KLHL13: variants seen among roughly 807,000 people sequenced by gnomAD.
The protein encoded by KLHL13 is kelch like family member 13.
Under a neutral mutation model 37.1 loss-of-function variants are expected in KLHL13, and 10 were observed. That is an observed-to-expected ratio of 0.27 (90% CI 0.17 to 0.46). KLHL13 has a LOEUF of 0.46. KLHL13 is among the 20% of genes least tolerant of loss of function. The probability of loss-of-function intolerance (pLI) is 1.00; values close to 1 mark genes in which losing one functional copy is unlikely to be tolerated. For synonymous variants in KLHL13, 163 were observed against 181.2 expected (o/e 0.90, Z 0.81); for missense variants, 360 against 509.3 (o/e 0.71, Z 2.82).
chrX:118,035,151 T>G (rs1457868582), intron 1 of KLHL13, among the ~76,000 whole-genome samples: 1 of 105,807 alleles, frequency 9.5e-6, no homozygotes, highest in Non-Finnish European at 1.9e-5. Flanking sequence ...ACAGTCGGAT[T>G]CTACCAGAGG....
chrX:117,952,283 G>A (rs1383204546), intron 1 of KLHL13, among the ~76,000 whole-genome samples: 1 of 111,554 alleles, frequency 9.0e-6, no homozygotes, highest in African/African-American at 3.3e-5. Context: ...TGACAAACTG[G>A]AGGAAAACAA....
chrX:118,066,090 G>T (rs2054791802), intron 1 of KLHL13, among the ~76,000 whole-genome samples: 1 of 111,970 alleles, frequency 8.9e-6, no homozygotes, highest in Non-Finnish European at 1.9e-5. Context: ...GGTGAAGATT[G>T]TGAGTTCCAA....
intron 2 of KLHL13, among the ~76,000 whole-genome samples, chrX:117,925,455 T>C (rs926865529): frequency 8.9e-6 from 1 of 111,984 alleles, no homozygotes; most frequent in Non-Finnish European, 1.9e-5. Context: ...TCCAGTGTTA[T>C]GTAAATGTAA....
intron 1 of KLHL13, among the ~76,000 whole-genome samples, chrX:118,021,240 CTTT>C (rs953345910): frequency 2.1e-4 from 22 of 105,470 alleles, no homozygotes; most frequent in Non-Finnish European, 4.1e-4. Context: ...GCATTATCTC[CTTT>C]TTTTTTATTA....
intron 1 of KLHL13, among the ~76,000 whole-genome samples, chrX:118,042,269 T>A (rs776906608): frequency 9.0e-6 from 1 of 111,463 alleles, no homozygotes; most frequent in South Asian, 3.8e-4. Context: ...GAGACTTTAA[T>A]AACCCATTTT....
At chrX:118,020,400 C>T (rs932181509) in intron 1 of KLHL13, among the ~76,000 whole-genome samples, 9 of 111,345 alleles carry the variant, frequency 8.1e-5, no homozygotes, top group Non-Finnish European at 1.5e-4. Context: ...TGGGCTGAGA[C>T]AATTTGGCCA....
chrX:118,077,713 T>C lies in KLHL13; in HGVS notation c.-56+38795A>G, dbSNP rs186284766. Among the ~76,000 whole-genome samples, 4 of 111,164 alleles carry C rather than the reference T, an allele frequency of 3.6e-5. No individual in the cohort carries two copies. In the Admixed American group the frequency reaches 3.8e-4, roughly 11 times the overall value. On this transcript the variant is annotated intron_variant, in intron 1 of 6. Coordinates refer to the KLHL13 transcript ENST00000371882. ...AGCCTTACCACATAACTTGGCCTGT[T>C]CTACTATCTGAGACTGATTTTTACC... is the stretch of plus-strand genomic sequence containing the variant.
chrX:118,070,977 G>C (rs1334624592), intron 1 of KLHL13, among the ~76,000 whole-genome samples: 2 of 106,309 alleles, frequency 1.9e-5, no homozygotes, highest in Non-Finnish European at 3.9e-5. Context: ...TCACTGTTCA[G>C]TTCCCACCTA....
chrX:117,913,004 T>C (rs1002642462), intron 4 of KLHL13, among the ~76,000 whole-genome samples: 1 of 111,730 alleles, frequency 9.0e-6, no homozygotes, highest in Non-Finnish European at 1.9e-5. Flanking sequence ...AAGAAAAATA[T>C]GTAATAGGAA....
At chrX:118,027,648 TAC>T (rs34640779) in intron 1 of KLHL13, among the ~76,000 whole-genome samples, 1,462 of 103,368 alleles carry the variant, frequency 0.014, 21 homozygotes, top group East Asian at 0.055. Flanking sequence ...TCTCCACACA[TAC>T]ACACACACAC....
intron 5 of KLHL13, among the ~76,000 whole-genome samples, chrX:117,908,099 T>TTATTTATG (rs57314660): frequency 1.3e-3 from 141 of 106,797 alleles, no homozygotes; most frequent in African/African-American, 4.3e-3. Flanking sequence ...ATTTATTTAT[T>TTATTTATG]TATTTATTTA....
chrX:117,909,856 G>A, exon 5 of KLHL13: 1 of 1,211,366 alleles, frequency 8.3e-7, no homozygotes, highest in Non-Finnish European at 1.1e-6. Flanking sequence ...AAGTCCATCC[G>A]AGGCTCTTCC....
chrX:118,036,728 C>A (rs771025547), intron 1 of KLHL13, among the ~76,000 whole-genome samples: 5,546 of 110,499 alleles, frequency 0.05, 382 homozygotes, highest in African/African-American at 0.17. Flanking sequence ...GCAACAAAAG[C>A]CAAAATTGAC....
At chrX:117,988,941 A>G (rs1177038607) in intron 1 of KLHL13, among the ~76,000 whole-genome samples, 2 of 112,026 alleles carry the variant, frequency 1.8e-5, no homozygotes, top group Non-Finnish European at 3.8e-5. Context: ...GCTATTTAAT[A>G]GTTACACTGA....
chrX:117,987,061 T>C (rs1020330290), intron 1 of KLHL13, among the ~76,000 whole-genome samples: 1 of 111,456 alleles, frequency 9.0e-6, no homozygotes, highest in Non-Finnish European at 1.9e-5. Flanking sequence ...GGACCTGTGT[T>C]GGGCAGCAAC....
intron 1 of KLHL13, among the ~76,000 whole-genome samples, chrX:117,963,613 T>G (rs1428838235): frequency 2.0e-5 from 2 of 101,274 alleles, no homozygotes; most frequent in Non-Finnish European, 2.0e-5. Flanking sequence ...AAATGGTATT[T>G]CTAGTTCTAG....
At chrX:118,005,862 C>T (rs1438599899) in intron 1 of KLHL13, among the ~76,000 whole-genome samples, 1 of 111,883 alleles carries the variant, frequency 8.9e-6, no homozygotes, top group Non-Finnish European at 1.9e-5. Flanking sequence ...AGACATGGGC[C>T]TAAAAATAGC....
intron 1 of KLHL13, among the ~76,000 whole-genome samples, chrX:118,094,884 A>G (rs1285096275): frequency 4.5e-5 from 5 of 111,658 alleles, no homozygotes; most frequent in Non-Finnish European, 9.4e-5. Flanking sequence ...AGAGCTCCTG[A>G]AGGAAGCACT....
intron 1 of KLHL13, among the ~76,000 whole-genome samples, chrX:118,114,447 T>C (rs758630806): frequency 5.2e-4 from 59 of 112,389 alleles, no homozygotes; most frequent in Non-Finnish European, 1.1e-3. Flanking sequence ...ATATAAATAG[T>C]CTTACTATGC....
Sources: allele counts gnomAD v4.1 joint callset (sites outside exome capture counted in the v4.1 genomes callset), GRCh38; gene constraint gnomAD v4.1.1; transcripts MANE v1.5; gene names NCBI Gene and HGNC (gene_info 2026-07-23, HGNC 2026-07-21).